LRFN2: variants seen among roughly 807,000 people sequenced by gnomAD.
LRFN2 encodes leucine-rich repeat and fibronectin type-III domain-containing protein 2.
In LRFN2, 18 loss-of-function variants were observed where a neutral mutation model predicts 37.3. The observed-to-expected ratio is 0.48, with a 90% CI of 0.33 to 0.72. The LOEUF (loss-of-function observed/expected upper bound fraction) is 0.72. Among genes scored for constraint, LRFN2 ranks in the 30% least tolerant of loss-of-function variants. LRFN2 has a pLI of 0.02. For synonymous variants in LRFN2, 556 were observed against 466.6 expected (o/e 1.19, Z -2.47); for missense variants, 1,006 against 1,060.7 (o/e 0.95, Z 0.72).
intron 1 of LRFN2, among the ~76,000 whole-genome samples, chr6:40,524,295 T>TA (rs1766179047): frequency 6.6e-6 from 1 of 152,106 alleles, no homozygotes. Context: ...AGGTGTCCCA[T>TA]AACCAGGACA....
At chr6:40,552,283 A>G (rs1007022443) in intron 1 of LRFN2, among the ~76,000 whole-genome samples, 3 of 152,230 alleles carry the variant, frequency 2.0e-5, no homozygotes, top group Admixed American at 6.5e-5. Flanking sequence ...TGGTTCTCAA[A>G]TCTTAATGTG....
chr6:40,475,487 A>G (rs1363561982), intron 1 of LRFN2, among the ~76,000 whole-genome samples: 1 of 152,108 alleles, frequency 6.6e-6, no homozygotes, highest in Non-Finnish European at 1.5e-5. Flanking sequence ...GTGTCATGAG[A>G]TGTGTGCTCA....
chr6:40,400,517 C>G (rs1762716614), intron 2 of LRFN2, among the ~76,000 whole-genome samples: 1 of 149,404 alleles, frequency 6.7e-6, no homozygotes, highest in Non-Finnish European at 1.5e-5. Flanking sequence ...GCCTCCCAGG[C>G]TCAAGCAATT....
At chr6:40,489,540 G>A (rs1053849200) in intron 1 of LRFN2, among the ~76,000 whole-genome samples, 2 of 152,138 alleles carry the variant, frequency 1.3e-5, no homozygotes, top group African/African-American at 4.8e-5. Flanking sequence ...ACACAGGGGA[G>A]GAGATGGGTG....
At chr6:40,467,373 C>A (rs1443535197) in intron 1 of LRFN2, among the ~76,000 whole-genome samples, 2 of 152,086 alleles carry the variant, frequency 1.3e-5, no homozygotes, top group East Asian at 1.9e-4. Context: ...CTGGACTCAG[C>A]CTGCAGATAC....
At chr6:40,535,481 G>A (rs1358851439) in intron 1 of LRFN2, among the ~76,000 whole-genome samples, 1 of 152,160 alleles carries the variant, frequency 6.6e-6, no homozygotes, top group Non-Finnish European at 1.5e-5. Flanking sequence ...TTCCTTGGGG[G>A]TGGTTGGAAA....
chr6:40,528,633 T>C (rs942116846), intron 1 of LRFN2, among the ~76,000 whole-genome samples: 6 of 152,222 alleles, frequency 3.9e-5, no homozygotes, highest in Non-Finnish European at 8.8e-5. Context: ...ATAAGTTGAA[T>C]GTTTACAATA....
rs1215025770 is a variant in LRFN2 at position 40,392,406 on chromosome 6, C to T, written c.1907G>A (p.Gly636Glu). ...SLGSGEAAGL[G>E]RAPWRIPPSA... is the part of the protein sequence containing the mutation. ...GGGTGGGATCCTCCAGGGGGCCCGT[C>T]CCAGCCCCGCAGCCTCCCCACTGCC... Residue 636 changes from glycine (G) to glutamate (E), a missense_variant, in exon 3 of 3, where the codon GGA becomes GAA. By Grantham distance (98) the Gly-to-Glu change is moderately conservative. Transcript: ENST00000338305. The surrounding 1 kb of genome is among the most constrained non-coding windows in gnomAD (Gnocchi z 4.7). 9 of 1,571,772 alleles carry T rather than the reference C, an allele frequency of 5.7e-6. No individual in the cohort carries two copies. The highest frequency in any genetic ancestry group is 1.9e-5 in the Admixed American group (1 of 53,990).
At chr6:40,583,760 A>G (rs1205931161) in intron 1 of LRFN2, among the ~76,000 whole-genome samples, 1 of 151,804 alleles carries the variant, frequency 6.6e-6, no homozygotes, top group Admixed American at 6.6e-5. Context: ...TTCAATCACA[A>G]CCCCTGCCCA....
chr6:40,551,931 A>G (rs1472390598), intron 1 of LRFN2, among the ~76,000 whole-genome samples: 2 of 152,108 alleles, frequency 1.3e-5, no homozygotes, highest in African/African-American at 2.4e-5. Flanking sequence ...CACCCATTTC[A>G]CTGTTGAGGA....
chr6:40,476,784 A>G (rs1007818107), intron 1 of LRFN2, among the ~76,000 whole-genome samples: 17 of 152,230 alleles, frequency 1.1e-4, no homozygotes, highest in Non-Finnish European at 2.2e-4. Flanking sequence ...CAATCCTGAG[A>G]GCAGGCGTGA....
chr6:40,569,545 G>T (rs1476371709), intron 1 of LRFN2, among the ~76,000 whole-genome samples: 8 of 152,182 alleles, frequency 5.3e-5, no homozygotes, highest in Non-Finnish European at 8.8e-5. Flanking sequence ...TTGGCATAGT[G>T]GTTGGGGGCA....
At chr6:40,485,349 C>T (rs1764929773) in intron 1 of LRFN2, among the ~76,000 whole-genome samples, 1 of 152,170 alleles carries the variant, frequency 6.6e-6, no homozygotes, top group Non-Finnish European at 1.5e-5. Context: ...ATTAATTTTT[C>T]CCAGTGACAG....
chr6:40,459,573 C>T (rs1764304042), intron 1 of LRFN2, among the ~76,000 whole-genome samples: 2 of 152,226 alleles, frequency 1.3e-5, no homozygotes, highest in South Asian at 4.1e-4. Flanking sequence ...CTCATCTCTG[C>T]AGGGCCTAAT....
intron 1 of LRFN2, among the ~76,000 whole-genome samples, chr6:40,547,616 T>C (rs1234607348): frequency 1.3e-5 from 2 of 152,120 alleles, no homozygotes; most frequent in South Asian, 2.1e-4. Context: ...GTGGGCATCA[T>C]GCCCTCTGCC....
At chr6:40,454,011 G>A (rs1005178053) in intron 1 of LRFN2, among the ~76,000 whole-genome samples, 4 of 152,114 alleles carry the variant, frequency 2.6e-5, no homozygotes, top group African/African-American at 9.7e-5. Flanking sequence ...CATCTTGCTA[G>A]GAATGACTCT....
chr6:40,442,283 T>G (rs1763856130), intron 1 of LRFN2, among the ~76,000 whole-genome samples: 1 of 152,244 alleles, frequency 6.6e-6, no homozygotes, highest in African/African-American at 2.4e-5. Context: ...GTTCACTCTA[T>G]GATTTACTCT....
intron 1 of LRFN2, among the ~76,000 whole-genome samples, chr6:40,558,504 G>A (rs1259249171): frequency 1.3e-5 from 2 of 152,152 alleles, no homozygotes; most frequent in Non-Finnish European, 2.9e-5. Flanking sequence ...AACAGTCAGT[G>A]AGCTGAGGGT....
At chr6:40,444,121 G>A (rs1042345126) in intron 1 of LRFN2, among the ~76,000 whole-genome samples, 2 of 152,364 alleles carry the variant, frequency 1.3e-5, no homozygotes, top group East Asian at 3.9e-4. Flanking sequence ...CCCGGGCACA[G>A]AGCAGGGCAG....
Sources: allele counts gnomAD v4.1 joint callset (sites outside exome capture counted in the v4.1 genomes callset), GRCh38; gene constraint gnomAD v4.1.1; non-coding constraint Gnocchi (gnomAD v3.1); transcripts MANE v1.5; gene names NCBI Gene and HGNC (gene_info 2026-07-23, HGNC 2026-07-21).